The following ITGA9 variants were observed in gnomAD, a reference collection of about 807,000 sequenced individuals.
ITGA9 encodes integrin alpha-9.
ITGA9 carries 56 observed loss-of-function variants against 127.8 expected under a neutral mutation model. The observed-to-expected ratio is 0.44, with a 90% CI of 0.35 to 0.55. The LOEUF is 0.55. Ranked by LOEUF, ITGA9 falls within the 20% of genes least tolerant of loss-of-function variation. ITGA9 has a pLI of 0.00. For missense variants in ITGA9, 1,196 were observed against 1,347.1 expected (o/e 0.89, Z 1.76); for synonymous variants, 508 against 514.5 (o/e 0.99, Z 0.17).
chr3:37,813,795 A>G (rs1362988795), intron 27 of ITGA9, among the ~76,000 whole-genome samples: 4 of 152,192 alleles, frequency 2.6e-5, no homozygotes, highest in African/African-American at 9.7e-5. Context: ...TCTGACACTT[A>G]TTATAAGACA....
intron 18 of ITGA9, among the ~76,000 whole-genome samples, chr3:37,731,738 C>T (rs1202474099): frequency 2.0e-5 from 3 of 152,078 alleles, no homozygotes; most frequent in African/African-American, 7.2e-5. Context: ...AGATTATTTA[C>T]CTTTTATCAC....
intron 23 of ITGA9, among the ~76,000 whole-genome samples, chr3:37,755,650 G>A (rs889242967): frequency 7.2e-5 from 11 of 152,152 alleles, no homozygotes; most frequent in Non-Finnish European, 5.9e-5. Context: ...TAGGGGATTC[G>A]AAACTTGGAT....
At chr3:37,656,868 A>G (rs1700483576) in intron 17 of ITGA9, among the ~76,000 whole-genome samples, 1 of 152,050 alleles carries the variant, frequency 6.6e-6, no homozygotes, top group African/African-American at 2.4e-5. Context: ...TGTTCCATCA[A>G]TACCTGGTTT....
At chr3:37,792,393 C>T (rs921649774) in intron 26 of ITGA9, among the ~76,000 whole-genome samples, 5 of 152,154 alleles carry the variant, frequency 3.3e-5, no homozygotes, top group Non-Finnish European at 7.4e-5. Flanking sequence ...AGGTTAGTCC[C>T]CAGGGAGTAG....
At chr3:37,575,186 C>T (rs975227363) in intron 15 of ITGA9, among the ~76,000 whole-genome samples, 3 of 152,126 alleles carry the variant, frequency 2.0e-5, no homozygotes, top group African/African-American at 7.2e-5. Flanking sequence ...CATCCTAGGG[C>T]ATTCCTGCTT....
chr3:37,492,087 A>G (rs2125564293), intron 4 of ITGA9, among the ~76,000 whole-genome samples: 1 of 152,356 alleles, frequency 6.6e-6, no homozygotes, highest in Admixed American at 6.5e-5. Context: ...GGGATCGGAT[A>G]GGTGGTAGAA....
At chr3:37,627,769 T>C (rs1024358614) in intron 15 of ITGA9, among the ~76,000 whole-genome samples, 27 of 151,926 alleles carry the variant, frequency 1.8e-4, no homozygotes, top group African/African-American at 6.3e-4. Context: ...AGGGCATCCA[T>C]ATAGTGACAT....
At position 37,453,120 on chromosome 3, in the gene ITGA9, C is replaced by CCG. The variant is rs1402091693; in HGVS notation, c.185+562_185+563insGC. On this transcript the variant is annotated intron_variant, in intron 1 of 27. Coordinates refer to ENST00000264741, the MANE Select transcript of ITGA9 (RefSeq NM_002207.3). ...CTGGAGCCCAGAGCCCCGGCGCCCC[C>CCG]CCCCCCCCCCAGCTCCTACAAGACC... Among the ~76,000 whole-genome samples the CCG allele has an allele frequency of 3.1e-5, 4 of 129,364 alleles. 1 individual carries two copies. In the Admixed American group the frequency reaches 3.1e-4, roughly 10 times the overall value. The allele number at this position is 129,364 out of a possible 152,430, so 84.9% of individuals were successfully genotyped here. A position where few individuals can be genotyped will look rare whatever the true frequency, so the allele number is the denominator to read the frequency against.
At chr3:37,712,472 T>C (rs1701089727) in intron 18 of ITGA9, among the ~76,000 whole-genome samples, 1 of 152,222 alleles carries the variant, frequency 6.6e-6, no homozygotes, top group South Asian at 2.1e-4. Flanking sequence ...GTATCTGTAC[T>C]TGTTTTAACT....
rs116638450 is a variant in ITGA9 at position 37,588,328 on chromosome 3, C to A, written c.1690-40859C>A. Among the ~76,000 whole-genome samples the A allele has an allele frequency of 2.2e-4, 33 of 150,634 alleles. 1 individual carries two copies. The highest frequency in any genetic ancestry group is 4.9e-4 in the African/African-American group (20 of 40,982). On this transcript the variant is annotated intron_variant, in intron 15 of 27. Transcript: ENST00000264741. Reference sequence around the variant, plus strand: ...AGAGCCAGCCCCCAGCCCACCCCCCCACTTCCCTTTCCATCTGACTCCATC... The same window carrying A: ...AGAGCCAGCCCCCAGCCCACCCCCCAACTTCCCTTTCCATCTGACTCCATC...
intron 18 of ITGA9, among the ~76,000 whole-genome samples, chr3:37,686,817 A>G (rs1700786546): frequency 6.6e-6 from 1 of 152,170 alleles, no homozygotes; most frequent in South Asian, 2.1e-4. Flanking sequence ...GGGAAAAGAA[A>G]CAGAAACTAC....
At chr3:37,686,498 A>G (rs567708178) in intron 18 of ITGA9, among the ~76,000 whole-genome samples, 6 of 152,300 alleles carry the variant, frequency 3.9e-5, no homozygotes, top group African/African-American at 1.4e-4. Flanking sequence ...CTAGGAAGTC[A>G]AAGACAATGT....
intron 12 of ITGA9, among the ~76,000 whole-genome samples, chr3:37,524,729 C>A (rs1699076277): frequency 6.6e-6 from 1 of 152,170 alleles, no homozygotes; most frequent in African/African-American, 2.4e-5. Context: ...GATGCTGAGA[C>A]TCATTGTGAG....
intron 26 of ITGA9, among the ~76,000 whole-genome samples, chr3:37,798,014 G>A (rs979762957): frequency 3.3e-5 from 5 of 150,932 alleles, no homozygotes; most frequent in African/African-American, 4.9e-5. Flanking sequence ...TATTTTGGAC[G>A]GGGTCTTGCT....
chr3:37,790,666 C>T (rs537517787), intron 26 of ITGA9: 21 of 201,036 alleles, frequency 1.0e-4, no homozygotes, highest in East Asian at 5.7e-4. Context: ...GGCTCCAGGG[C>T]GTTTCTCAGG....
chr3:37,672,798 A>G (rs1472199220), intron 17 of ITGA9, among the ~76,000 whole-genome samples: 2 of 152,140 alleles, frequency 1.3e-5, no homozygotes, highest in African/African-American at 4.8e-5. Flanking sequence ...ACCAATTTTT[A>G]TTATTCTAGA....
At chr3:37,669,501 C>G (rs909818547) in intron 17 of ITGA9, among the ~76,000 whole-genome samples, 2 of 152,214 alleles carry the variant, frequency 1.3e-5, no homozygotes, top group Non-Finnish European at 2.9e-5. Context: ...GGGAAGGGAG[C>G]CTATCCTGAG....
At chr3:37,809,051 C>A (rs1161258564) in intron 27 of ITGA9, among the ~76,000 whole-genome samples, 1 of 151,610 alleles carries the variant, frequency 6.6e-6, no homozygotes, top group African/African-American at 2.4e-5. Flanking sequence ...TTTTATCTGT[C>A]ACATACATGA....
At chr3:37,635,277 G>A (rs988057457) in intron 16 of ITGA9, among the ~76,000 whole-genome samples, 11 of 152,144 alleles carry the variant, frequency 7.2e-5, no homozygotes, top group African/African-American at 2.7e-4. Flanking sequence ...CTATTTATTG[G>A]TTTTCAATAT....
Sources: gnomAD v4.1 joint callset for allele counts (sites outside exome capture counted in the v4.1 genomes callset) on GRCh38, gnomAD v4.1.1 for gene constraint, MANE v1.5 for transcripts, NCBI Gene and HGNC (gene_info 2026-07-23, HGNC 2026-07-21) for gene names.